Variants in SLC39A10 observed in about 807,000 individuals in gnomAD.
The protein encoded by SLC39A10 is solute carrier family 39 member 10, also known as zinc transporter ZIP10.
SLC39A10 carries 13 observed loss-of-function variants against 65.1 expected under a neutral mutation model. That is an observed-to-expected ratio of 0.20 (90% CI 0.13 to 0.32). The LOEUF is 0.32. SLC39A10 is among the 10% of genes least tolerant of loss of function. The pLI is 1.00. For synonymous variants in SLC39A10, 321 were observed against 342.2 expected (o/e 0.94, Z 0.68); for missense variants, 831 against 1,018.4 (o/e 0.82, Z 2.50).
In SLC39A10 at chr2:195,616,004, A is replaced by G. The variant is rs529982843; in HGVS notation, c.-12+9771A>G. 3.9e-5 allele frequency among the ~76,000 whole-genome samples: 6 copies of G among 152,296 alleles called. No homozygotes were observed. In the East Asian group the frequency reaches 7.7e-4, roughly 20 times the overall value. Reference sequence around the variant, plus strand: ...AGCAGTTTCCCGGTTCGCCCAGGCTAGAGTGCAGTGGCAGAATCTTGGCTC... The same window carrying G: ...AGCAGTTTCCCGGTTCGCCCAGGCTGGAGTGCAGTGGCAGAATCTTGGCTC... On this transcript the variant is annotated intron_variant, in intron 2 of 2. Transcript: ENST00000458054.
At chr2:195,708,162 T>C (rs1691475026) in intron 4 of SLC39A10, among the ~76,000 whole-genome samples, 1 of 152,092 alleles carries the variant, frequency 6.6e-6, no homozygotes, top group Non-Finnish European at 1.5e-5. Flanking sequence ...TGACATAAGT[T>C]GACCTGTGTA....
chr2:195,618,815 A>G (rs1688283618), intron 2 of SLC39A10, among the ~76,000 whole-genome samples: 1 of 151,994 alleles, frequency 6.6e-6, no homozygotes, highest in East Asian at 1.9e-4. Flanking sequence ...GAAAGAGGTC[A>G]GGTGCGGTGG....
At chr2:195,703,536 T>C (rs1006002667) in intron 3 of SLC39A10, among the ~76,000 whole-genome samples, 1 of 152,192 alleles carries the variant, frequency 6.6e-6, no homozygotes, top group African/African-American at 2.4e-5. Flanking sequence ...ATAGCAAGCA[T>C]GCTATACATA....
chr2:195,659,636 A>T (rs1201153992), intron 1 of SLC39A10, among the ~76,000 whole-genome samples: 1 of 152,168 alleles, frequency 6.6e-6, no homozygotes, highest in Admixed American at 6.5e-5. Context: ...AAAAGTTCAA[A>T]ACCTTGATCT....
chr2:195,644,857 G>T (rs1688879532), intron 2 of SLC39A10, among the ~76,000 whole-genome samples: 1 of 149,888 alleles, frequency 6.7e-6, no homozygotes. Flanking sequence ...TTCAAGTTTT[G>T]CCCAGTTGCC....
At chr2:195,623,137 G>A (rs1427315583) in intron 2 of SLC39A10, among the ~76,000 whole-genome samples, 4 of 152,098 alleles carry the variant, frequency 2.6e-5, no homozygotes, top group African/African-American at 9.7e-5. Context: ...ATTGAAAGGG[G>A]TATGAGGAAA....
Position 195,706,449 on chromosome 2 carries a change from T to TA in SLC39A10, c.1217-166dup, listed in dbSNP as rs1353315798. Among the ~76,000 whole-genome samples, 12 of 151,864 alleles carry TA rather than the reference T, an allele frequency of 7.9e-5. No homozygotes were observed. In the East Asian group the frequency reaches 1.9e-3, roughly 24 times the overall value. Reference sequence around the variant, plus strand: ...TCTTTTTAAAAATGTTTAAGTTAGTTATATGTCATATTTTTGTTTTGTTTT... The same window carrying TA: ...TCTTTTTAAAAATGTTTAAGTTAGTTAATATGTCATATTTTTGTTTTGTTTT... On this transcript the variant is annotated intron_variant, in intron 3 of 9. Transcript: ENST00000359634.
At chr2:195,724,151 C>T (rs528691440) in intron 8 of SLC39A10, among the ~76,000 whole-genome samples, 6 of 152,172 alleles carry the variant, frequency 3.9e-5, no homozygotes, top group African/African-American at 7.2e-5. Flanking sequence ...AAAATATATA[C>T]ATGTTTTAAA....
chr2:195,655,016 A>G (rs1689117005), upstream of SLC39A10, among the ~76,000 whole-genome samples: 1 of 152,222 alleles, frequency 6.6e-6, no homozygotes, highest in Admixed American at 6.5e-5. Flanking sequence ...CACAGTCTCT[A>G]TTTTCAAGTT....
At chr2:195,642,280 A>C (rs1464154826) in intron 2 of SLC39A10, among the ~76,000 whole-genome samples, 1 of 152,188 alleles carries the variant, frequency 6.6e-6, no homozygotes, top group African/African-American at 2.4e-5. Flanking sequence ...TATGGACACA[A>C]GGCATCTGTA....
chr2:195,725,309 A>G (rs1692195954), intron 8 of SLC39A10, among the ~76,000 whole-genome samples: 1 of 152,178 alleles, frequency 6.6e-6, no homozygotes, highest in Non-Finnish European at 1.5e-5. Flanking sequence ...TCTTCACAAA[A>G]GACAGTTAAC....
chr2:195,687,990 T>C (rs1690591838), intron 3 of SLC39A10, among the ~76,000 whole-genome samples: 1 of 152,190 alleles, frequency 6.6e-6, no homozygotes, highest in African/African-American at 2.4e-5. Context: ...TGAGCGCTTC[T>C]TTTTAAAAGA....
Position 195,717,127 on chromosome 2 carries a change from A to G in SLC39A10, c.2065+122A>G, listed in dbSNP as rs148750451. 7.9e-5 allele frequency: 107 copies of G among 1,346,508 alleles called. No individual in the cohort carries two copies. The East Asian group carries it at 1.5e-3, about 19-fold the overall frequency. The allele number at this position is 1,346,508 out of a possible 1,614,324, so 83.4% of individuals were successfully genotyped here. ...CACTCTGGTCAGTTGATTTTTCCCA[A>G]AGGCTACAGTTTTGTGTTCAGTTGT... On this transcript the variant is annotated intron_variant, in intron 7 of 9. Coordinates refer to ENST00000359634, the MANE Select transcript of SLC39A10 (RefSeq NM_020342.3).
At chr2:195,631,369 T>C (rs992767571) in intron 2 of SLC39A10, among the ~76,000 whole-genome samples, 1 of 152,130 alleles carries the variant, frequency 6.6e-6, no homozygotes, top group African/African-American at 2.4e-5. Flanking sequence ...GAGATCAAAT[T>C]GTTAAACGAA....
intron 2 of SLC39A10, among the ~76,000 whole-genome samples, chr2:195,646,716 C>T (rs1688927782): frequency 4.2e-5 from 6 of 143,476 alleles, no homozygotes; most frequent in African/African-American, 1.3e-4. Context: ...GGAGGGTGAG[C>T]GAGCATTACC....
At chr2:195,709,194 TGTATGTA>T (rs954401000) in intron 5 of SLC39A10, among the ~76,000 whole-genome samples, 5 of 34,146 alleles carry the variant, frequency 1.5e-4, no homozygotes, top group South Asian at 1.0e-3. Context: ...CCAGCTAACT[TGTATGTA>T]TGTATGTATG....
intron 9 of SLC39A10, among the ~76,000 whole-genome samples, chr2:195,730,337 ATTTG>A (rs1559053415): frequency 6.6e-6 from 1 of 150,884 alleles, no homozygotes; most frequent in Admixed American, 6.6e-5. Context: ...TTGTTTGTTT[ATTTG>A]TTTGTTGTGA....
intron 9 of SLC39A10, among the ~76,000 whole-genome samples, chr2:195,732,613 AT>A (rs1692464341): frequency 6.6e-6 from 1 of 152,218 alleles, no homozygotes; most frequent in South Asian, 2.1e-4. Context: ...ATGCTTAAGT[AT>A]TTAAGGAAAG....
intron 8 of SLC39A10, among the ~76,000 whole-genome samples, chr2:195,723,526 C>T (rs1692125537): frequency 6.6e-6 from 1 of 152,094 alleles, no homozygotes; most frequent in Admixed American, 6.5e-5. Flanking sequence ...AGAACAGCCC[C>T]AGAGTCTTGG....
Sources: gnomAD v4.1 joint callset for allele counts (sites outside exome capture counted in the v4.1 genomes callset) on GRCh38, gnomAD v4.1.1 for gene constraint, MANE v1.5 for transcripts, NCBI Gene and HGNC (gene_info 2026-07-23, HGNC 2026-07-21) for gene names.